The following KCNN2 variants were observed in gnomAD, a reference collection of about 807,000 sequenced individuals.
KCNN2 encodes the protein small conductance calcium-activated potassium channel protein 2.
KCNN2 carries 24 observed loss-of-function variants against 55.5 expected under a neutral mutation model. The observed-to-expected ratio is 0.43, with a 90% CI of 0.31 to 0.61. The LOEUF (loss-of-function observed/expected upper bound fraction) is 0.61, where lower values mean the gene tolerates loss of function less well. Among genes scored for constraint, KCNN2 ranks in the 20% least tolerant of loss-of-function variants. The probability of loss-of-function intolerance (pLI) is 0.08; values close to 1 mark genes in which losing one functional copy is unlikely to be tolerated. For missense variants in KCNN2, 754 were observed against 853.6 expected, an observed-to-expected ratio of 0.88 and a Z score of 1.45; for synonymous variants, 431 against 336.1, an observed-to-expected ratio of 1.28 and a Z score of -3.09.
At chr5:114,214,653 T>G (rs1410359133) in intron 1 of KCNN2, among the ~76,000 whole-genome samples, 1 of 152,114 alleles carries the variant, frequency 6.6e-6, no homozygotes. Flanking sequence ...ATTGCTGTGT[T>G]CTTTTGGGTT....
chr5:114,337,379 A>G lies in KCNN2; in HGVS notation c.-184-23566A>G, dbSNP rs551891040. On this transcript the variant is annotated intron_variant, in intron 2 of 10. Coordinates refer to the KCNN2 transcript ENST00000512097. Reference sequence around the variant, plus strand: ...AAGACATTCAAGTGGTGATACCAACATAGAAGAAAGATGTCCCATGTAGCT... The same window carrying G: ...AAGACATTCAAGTGGTGATACCAACGTAGAAGAAAGATGTCCCATGTAGCT... Among the ~76,000 whole-genome samples, 52 of 152,354 alleles carry G rather than the reference A, an allele frequency of 3.4e-4. 1 individual carries two copies. In the Middle Eastern group the frequency reaches 0.014, roughly 40 times the overall value.
At chr5:114,337,465 A>C (rs1756941909) in intron 2 of KCNN2, among the ~76,000 whole-genome samples, 1 of 152,216 alleles carries the variant, frequency 6.6e-6, no homozygotes, top group South Asian at 2.1e-4. Flanking sequence ...TTGACATATG[A>C]AAAACTGAAT....
intron 4 of KCNN2, 129 bp downstream of exon 4, chr5:114,463,319 C>A: frequency 1.5e-6 from 1 of 668,052 alleles, no homozygotes; most frequent in Non-Finnish European, 2.4e-6. Flanking sequence ...ATAAATAAAT[C>A]AATTTTGTGT....
chr5:114,353,684 T>G (rs929194296), intron 2 of KCNN2, among the ~76,000 whole-genome samples: 1 of 151,898 alleles, frequency 6.6e-6, no homozygotes, highest in African/African-American at 2.4e-5. Context: ...AAACTATTTG[T>G]CTTCATGTTT....
At chr5:114,085,045 T>C (rs1750984195) in intron 1 of KCNN2, among the ~76,000 whole-genome samples, 1 of 85,000 alleles carries the variant, frequency 1.2e-5, no homozygotes, top group Non-Finnish European at 2.6e-5. Context: ...ATTGATTATA[T>C]ATAGAGACAT....
chr5:114,229,106 A>G (rs1221931235), intron 2 of KCNN2, among the ~76,000 whole-genome samples: 1 of 151,938 alleles, frequency 6.6e-6, no homozygotes, highest in African/African-American at 2.4e-5. Flanking sequence ...TGTACTAAAA[A>G]TTAAAACAAA....
At chr5:114,179,965 T>G (rs952908099) in intron 1 of KCNN2, among the ~76,000 whole-genome samples, 5 of 152,206 alleles carry the variant, frequency 3.3e-5, no homozygotes, top group African/African-American at 1.2e-4. Context: ...ATCCTAGATT[T>G]TTCCCCCTTT....
intron 3 of KCNN2, among the ~76,000 whole-genome samples, chr5:114,418,581 G>A (rs984775025): frequency 1.3e-5 from 2 of 152,104 alleles, no homozygotes; most frequent in African/African-American, 4.8e-5. Context: ...TGGGGCTGGC[G>A]GGGAGTTGGG....
At chr5:114,277,365 T>C (rs896035644) in intron 2 of KCNN2, among the ~76,000 whole-genome samples, 7 of 152,212 alleles carry the variant, frequency 4.6e-5, no homozygotes, top group Non-Finnish European at 1.0e-4. Context: ...CTGTGTTTCC[T>C]GAATTTGGAT....
At position 114,439,937 on chromosome 5, in the gene KCNN2, A is replaced by G. The variant is rs1760146991; in HGVS notation, c.1638-23112A>G. On this transcript the variant is annotated intron_variant, in intron 3 of 7. Coordinates refer to ENST00000673685, the MANE Select transcript of KCNN2 (RefSeq NM_021614.4). ...ATGACAAGTTCAGAAATCAGCATTT[A>G]AATCCCTGGTGGGTAACACCTTGAA... 4.6e-5 allele frequency among the ~76,000 whole-genome samples: 7 copies of G among 152,188 alleles called. No homozygotes were observed. The South Asian group carries it at 1.4e-3, about 31-fold the overall frequency.
chr5:114,190,954 G>A lies in KCNN2; in HGVS notation c.-270-30526G>A, dbSNP rs572694054. Among the ~76,000 whole-genome samples, 35 of 152,222 alleles carry A rather than the reference G, an allele frequency of 2.3e-4. No homozygotes were observed. The South Asian group carries it at 6.6e-3, about 29-fold the overall frequency. On this transcript the variant is annotated intron_variant, in intron 1 of 10. Transcript: ENST00000512097. Reference sequence around the variant, plus strand: ...GAACCTAAGGTTATTGACTCTCAAAGTGGACTATTAGACTATTTTTAGGAT... The same window carrying A: ...GAACCTAAGGTTATTGACTCTCAAAATGGACTATTAGACTATTTTTAGGAT...
intron 2 of KCNN2, among the ~76,000 whole-genome samples, chr5:114,228,982 C>T (rs1043227227): frequency 4.6e-5 from 7 of 151,870 alleles, no homozygotes; most frequent in Non-Finnish European, 7.4e-5. Context: ...CTGAATTTAA[C>T]AGTAAAATAG....
At chr5:114,138,141 C>A (rs1561490935) in intron 1 of KCNN2, among the ~76,000 whole-genome samples, 2 of 151,806 alleles carry the variant, frequency 1.3e-5, no homozygotes, top group Non-Finnish European at 2.9e-5. Context: ...AACAAACAAA[C>A]AAAAAAACCC....
rs1488373063 is a variant in KCNN2, at chr5:114,495,779, G to C, written c.2089-116G>C. The C allele has an allele frequency of 3.2e-5, 29 of 898,750 alleles. No homozygotes were observed. In the East Asian group the frequency reaches 4.1e-4, roughly 13 times the overall value. The allele number at this position is 898,750 out of a possible 1,614,324, so 55.7% of individuals were successfully genotyped here. On this transcript the variant is annotated intron_variant, in intron 7 of 7. Transcript: ENST00000673685. The stretch of plus-strand genomic sequence containing the variant: ...TGCAAGATGAGCTGTTCAGTTAGCT[G>C]ACACCCCTGTTACACTGAATGCCAC...
chr5:114,345,109 C>T (rs191202464), intron 2 of KCNN2, among the ~76,000 whole-genome samples: 28 of 152,212 alleles, frequency 1.8e-4, no homozygotes, highest in African/African-American at 6.0e-4. Context: ...ATGAACAATG[C>T]TACATCCACA....
At chr5:114,265,193 T>C (rs1755185582) in intron 2 of KCNN2, among the ~76,000 whole-genome samples, 1 of 151,974 alleles carries the variant, frequency 6.6e-6, no homozygotes, top group Non-Finnish European at 1.5e-5. Context: ...CATTTGTAGA[T>C]ATATTCAGAA....
chr5:114,383,197 AGTT>A lies in KCNN2; in HGVS notation c.1218+19197_1218+19199del, dbSNP rs547785545. 2.7e-3 allele frequency among the ~76,000 whole-genome samples: 417 copies of A among 152,190 alleles called. 2 individuals are homozygous for A. Among genetic ancestry groups the A allele is most frequent in the African/African-American group, 9.6e-3 (400 of 41,510 alleles). ...TGAAGGGTTTGCATAAGTTTTTCTT[AGTT>A]TAAGTCCCCTGTTTCCAAATTTTAC... is the stretch of plus-strand genomic sequence containing the variant. On this transcript the variant is annotated intron_variant, in intron 2 of 7. Transcript: ENST00000673685.
At chr5:114,476,476 C>T (rs1201596700) in intron 5 of KCNN2, among the ~76,000 whole-genome samples, 2 of 150,614 alleles carry the variant, frequency 1.3e-5, no homozygotes, top group East Asian at 3.9e-4. Flanking sequence ...CTCTTGTTGC[C>T]CAGGCTGCAG....
chr5:114,100,229 A>G lies in KCNN2; in HGVS notation c.-271+43729A>G, dbSNP rs146484648. Among the ~76,000 whole-genome samples the G allele has an allele frequency of 5.9e-5, 9 of 152,310 alleles. No individual in the cohort carries two copies. In the East Asian group the frequency reaches 1.7e-3, roughly 29 times the overall value. On this transcript the variant is annotated intron_variant, in intron 1 of 10. Coordinates refer to the KCNN2 transcript ENST00000512097. ...GAAAACCCCCAAGATTAAATGACCC[A>G]AAATATACAGCAAATTTATAAAATA...
Sources: gnomAD v4.1 joint callset for allele counts (sites outside exome capture counted in the v4.1 genomes callset) on GRCh38, gnomAD v4.1.1 for gene constraint, MANE v1.5 for transcripts, NCBI Gene and HGNC (gene_info 2026-07-23, HGNC 2026-07-21) for gene names.